The following NBDY variants were observed in gnomAD, a reference collection of about 807,000 sequenced individuals.
The protein encoded by NBDY is negative regulator of P-body association, also known as P-body dissociating protein.
chrX:56,805,072 CG>C (rs751739199), intron 2 of NBDY, among the ~76,000 whole-genome samples: 4 of 112,170 alleles, frequency 3.6e-5, no homozygotes, highest in African/African-American at 9.7e-5. Context: ...CTCTCACGAA[CG>C]TCAGTTTCAT....
At chrX:56,767,584 G>A (rs377753270) in intron 2 of NBDY, among the ~76,000 whole-genome samples, 5 of 113,356 alleles carry the variant, frequency 4.4e-5, no homozygotes, top group African/African-American at 9.6e-5. Context: ...CCCGCACTCC[G>A]AGCAGCCAGT....
intron 2 of NBDY, among the ~76,000 whole-genome samples, chrX:56,763,290 G>A (rs1302665408): frequency 8.9e-6 from 1 of 111,885 alleles, no homozygotes; most frequent in Non-Finnish European, 1.9e-5. Context: ...GTGTGTGGTG[G>A]CATTCCCCAG....
At chrX:56,736,693 G>C (rs2069495970) in intron 2 of NBDY, among the ~76,000 whole-genome samples, 1 of 112,777 alleles carries the variant, frequency 8.9e-6, no homozygotes, top group African/African-American at 3.2e-5. Flanking sequence ...ATGGGGAAAA[G>C]TATGATTTGT....
At chrX:56,754,870 AAAC>A (rs2069601620) in intron 2 of NBDY, among the ~76,000 whole-genome samples, 1 of 110,655 alleles carries the variant, frequency 9.0e-6, no homozygotes, top group African/African-American at 3.4e-5. Flanking sequence ...GAGAATAGAA[AAAC>A]AATAAAGGGA....
At chrX:56,731,254 G>A (rs1402594080) in intron 1 of NBDY, among the ~76,000 whole-genome samples, 1 of 110,331 alleles carries the variant, frequency 9.1e-6, no homozygotes, top group Non-Finnish European at 1.9e-5. Flanking sequence ...GGAGAAAATT[G>A]CTCAGATAGA....
chrX:56,789,390 A>G (rs2069748505), intron 2 of NBDY, among the ~76,000 whole-genome samples: 2 of 111,620 alleles, frequency 1.8e-5, no homozygotes, highest in Non-Finnish European at 3.8e-5. Flanking sequence ...GGGGTACAGG[A>G]GAGGGATGTG....
intron 2 of NBDY, among the ~76,000 whole-genome samples, chrX:56,746,115 C>T (rs947956353): frequency 2.7e-5 from 3 of 111,819 alleles, no homozygotes; most frequent in African/African-American, 9.8e-5. Context: ...TCACATTTTC[C>T]TACTTCAGAG....
At chrX:56,783,562 T>C (rs2069709002) in intron 2 of NBDY, among the ~76,000 whole-genome samples, 1 of 112,304 alleles carries the variant, frequency 8.9e-6, no homozygotes, top group Non-Finnish European at 1.9e-5. Flanking sequence ...TAGCTGCTTC[T>C]CCAAGCGGTT....
intron 2 of NBDY, among the ~76,000 whole-genome samples, chrX:56,752,698 C>T (rs1485342053): frequency 9.0e-6 from 1 of 111,447 alleles, no homozygotes; most frequent in Non-Finnish European, 1.9e-5. Context: ...CAACCTCCAC[C>T]TCCCAGGTTC....
In NBDY at chrX:56,797,399, T is replaced by G. The variant is rs1401452524; in HGVS notation, c.*167-19921T>G. ...CATGCAAATGTTCTAGCAGATTGCTTCTTCTTCTCCTTGGTGATGGGGAAT... is the reference window on the plus strand; with the variant it reads ...CATGCAAATGTTCTAGCAGATTGCTGCTTCTTCTCCTTGGTGATGGGGAAT... On this transcript the variant is annotated intron_variant, in intron 2 of 2. Coordinates refer to ENST00000374922, the MANE Select transcript of NBDY (RefSeq NM_001348129.2). 8.2e-5 allele frequency among the ~76,000 whole-genome samples: 9 copies of G among 109,095 alleles called. No individual in the cohort carries two copies. The East Asian group carries it at 1.1e-3, about 14-fold the overall frequency. 94.7% of individuals were successfully genotyped at this position (109,095 alleles called of 115,157 possible). A position where few individuals can be genotyped will look rare whatever the true frequency, so the allele number is the denominator to read the frequency against.
At chrX:56,789,401 T>C (rs1188028145) in intron 2 of NBDY, among the ~76,000 whole-genome samples, 2 of 111,619 alleles carry the variant, frequency 1.8e-5, no homozygotes, top group Non-Finnish European at 3.8e-5. Flanking sequence ...GAGGGATGTG[T>C]GAGTGTGTGG....
chrX:56,746,688 ACTGTAGAT>A (rs1337822970), intron 2 of NBDY, among the ~76,000 whole-genome samples: 1 of 109,778 alleles, frequency 9.1e-6, no homozygotes, highest in Non-Finnish European at 1.9e-5. Flanking sequence ...GTTCCTTGCC[ACTGTAGAT>A]CTGTAGATCT....
chrX:56,794,720 A>G (rs911003788), intron 2 of NBDY, among the ~76,000 whole-genome samples: 4 of 111,928 alleles, frequency 3.6e-5, no homozygotes, highest in Admixed American at 1.9e-4. Context: ...TTCCTCTATG[A>G]ATCTGCACAG....
chrX:56,745,335 A>G (rs193090210), intron 2 of NBDY, among the ~76,000 whole-genome samples: 6 of 110,686 alleles, frequency 5.4e-5, no homozygotes, highest in Non-Finnish European at 1.1e-4. Context: ...GAAACTGTGG[A>G]TGAGGGGGGA....
chrX:56,760,892 A>G (rs2069634432), intron 2 of NBDY, among the ~76,000 whole-genome samples: 4 of 111,140 alleles, frequency 3.6e-5, no homozygotes, highest in African/African-American at 1.3e-4. Context: ...GGGCTGTGGC[A>G]TGATGTGGGG....
chrX:56,799,052 G>A (rs942671576), intron 2 of NBDY, among the ~76,000 whole-genome samples: 6 of 112,028 alleles, frequency 5.4e-5, no homozygotes, highest in African/African-American at 2.0e-4. Flanking sequence ...ACGCTCGGGA[G>A]TGCCAGACAG....
chrX:56,738,484 G>A (rs995506733), intron 2 of NBDY, among the ~76,000 whole-genome samples: 3 of 112,057 alleles, frequency 2.7e-5, no homozygotes, highest in Middle Eastern at 4.7e-3. Flanking sequence ...TTAGTCCCAC[G>A]AGACTGCCTC....
At chrX:56,787,199 C>T (rs1236651315) in intron 2 of NBDY, among the ~76,000 whole-genome samples, 3 of 110,694 alleles carry the variant, frequency 2.7e-5, no homozygotes, top group East Asian at 2.8e-4. Flanking sequence ...ACACAATGCA[C>T]GCACTCACAA....
intron 2 of NBDY, among the ~76,000 whole-genome samples, chrX:56,751,947 A>C (rs1419130974): frequency 1.8e-5 from 2 of 111,970 alleles, no homozygotes; most frequent in African/African-American, 6.5e-5. Context: ...AAGTGAGAAC[A>C]TGTGGTATTA....
Sources: allele counts gnomAD v4.1 joint callset (sites outside exome capture counted in the v4.1 genomes callset), GRCh38; gene constraint gnomAD v4.1.1; transcripts MANE v1.5; gene names NCBI Gene and HGNC (gene_info 2026-07-23, HGNC 2026-07-21).